Variants in FHIT observed in about 807,000 individuals in gnomAD.
FHIT encodes the protein bis(5'-adenosyl)-triphosphatase.
In FHIT, 19 loss-of-function variants were observed where a neutral mutation model predicts 17.9. That is an observed-to-expected ratio of 1.06 (90% CI 0.74 to 1.56). The LOEUF (loss-of-function observed/expected upper bound fraction) is 1.56. Among genes scored for constraint, FHIT ranks in the 40% most tolerant of loss-of-function variants. FHIT has a pLI of 0.00. For missense variants in FHIT, 248 were observed against 189.2 expected, an observed-to-expected ratio of 1.31 and a Z score of -1.82; for synonymous variants, 81 against 69.7, an observed-to-expected ratio of 1.16 and a Z score of -0.81.
At chr3:61,040,347 A>G (rs1317150332) in intron 3 of FHIT, among the ~76,000 whole-genome samples, 1 of 152,244 alleles carries the variant, frequency 6.6e-6, no homozygotes, top group Non-Finnish European at 1.5e-5. Flanking sequence ...GAGGATCAGC[A>G]TGATCAGTGC....
chr3:60,106,043 T>C (rs1704394253), intron 5 of FHIT, among the ~76,000 whole-genome samples: 1 of 152,292 alleles, frequency 6.6e-6, no homozygotes, highest in African/African-American at 2.4e-5. Flanking sequence ...GAAATCTCAT[T>C]GTCTCTCACT....
chr3:60,921,933 T>G (rs1272296053), intron 3 of FHIT, among the ~76,000 whole-genome samples: 3 of 152,188 alleles, frequency 2.0e-5, no homozygotes, highest in African/African-American at 7.2e-5. Flanking sequence ...GGCCAGGCTC[T>G]GCCCACAGTA....
chr3:60,935,008 G>GT (rs781985837), intron 3 of FHIT, among the ~76,000 whole-genome samples: 8 of 152,196 alleles, frequency 5.3e-5, no homozygotes, highest in Non-Finnish European at 1.2e-4. Context: ...CACCTCTTCT[G>GT]TGAAGCCTTC....
chr3:60,607,763 TACATATACATATATACAC>T (rs1210095280), intron 4 of FHIT, among the ~76,000 whole-genome samples: 3 of 152,248 alleles, frequency 2.0e-5, no homozygotes, highest in South Asian at 2.1e-4. Context: ...CTGCAATACA[TACATATACATATATACAC>T]ACATATACAT....
chr3:59,786,355 C>T (rs148349555), intron 8 of FHIT, among the ~76,000 whole-genome samples: 139 of 152,222 alleles, frequency 9.1e-4, no homozygotes, highest in African/African-American at 3.1e-3. Flanking sequence ...CTTGCTTGTC[C>T]CTCCTCTTTC....
intron 8 of FHIT, among the ~76,000 whole-genome samples, chr3:59,765,103 G>A (rs969385246): frequency 5.3e-5 from 8 of 152,102 alleles, no homozygotes; most frequent in Non-Finnish European, 1.0e-4. Context: ...GATACACAAA[G>A]CTGAAATATT....
intron 5 of FHIT, among the ~76,000 whole-genome samples, chr3:60,270,683 C>A (rs1559776882): frequency 6.6e-6 from 1 of 152,150 alleles, no homozygotes; most frequent in Non-Finnish European, 1.5e-5. Flanking sequence ...TAAAAATGGG[C>A]CAAGATTCTA....
chr3:61,144,535 T>A (rs1270323855), intron 2 of FHIT, among the ~76,000 whole-genome samples: 1 of 152,248 alleles, frequency 6.6e-6, no homozygotes, highest in Non-Finnish European at 1.5e-5. Flanking sequence ...GATATGTTTT[T>A]AATTCTCTTG....
chr3:60,651,153 T>C (rs2039982494), intron 4 of FHIT, among the ~76,000 whole-genome samples: 1 of 152,160 alleles, frequency 6.6e-6, no homozygotes, highest in African/African-American at 2.4e-5. Flanking sequence ...TATTATACAT[T>C]ATTCTATGAT....
intron 2 of FHIT, among the ~76,000 whole-genome samples, chr3:61,081,588 T>TA (rs751568776): frequency 1.1e-4 from 17 of 152,200 alleles, no homozygotes; most frequent in South Asian, 2.1e-4. Context: ...CAGATATTCC[T>TA]CCCTCTGAGA....
intron 3 of FHIT, among the ~76,000 whole-genome samples, chr3:60,926,102 T>G (rs1183966710): frequency 2.0e-5 from 3 of 152,174 alleles, no homozygotes; most frequent in East Asian, 3.9e-4. Context: ...CACACAATAA[T>G]AATGGGAGAC....
chr3:60,107,109 T>C (rs866213510), intron 5 of FHIT, among the ~76,000 whole-genome samples: 7 of 151,528 alleles, frequency 4.6e-5, no homozygotes, highest in Non-Finnish European at 1.0e-4. Flanking sequence ...AGGAAAAGGC[T>C]CATTTGATTA....
intron 5 of FHIT, among the ~76,000 whole-genome samples, chr3:60,054,675 G>C (rs969314676): frequency 6.6e-6 from 1 of 152,150 alleles, no homozygotes; most frequent in African/African-American, 2.4e-5. Context: ...GCATTTATTA[G>C]ATAGAGAACT....
intron 4 of FHIT, among the ~76,000 whole-genome samples, chr3:60,651,885 C>G (rs1283563787): frequency 5.9e-5 from 9 of 152,148 alleles, no homozygotes; most frequent in African/African-American, 1.7e-4. Flanking sequence ...ACTGAGCAAA[C>G]CTATTTACTG....
At chr3:61,061,223 C>A (rs1010544393) in intron 2 of FHIT, among the ~76,000 whole-genome samples, 1 of 152,158 alleles carries the variant, frequency 6.6e-6, no homozygotes, top group African/African-American at 2.4e-5. Context: ...CATTTTCCCC[C>A]CTCCTTTGAG....
chr3:61,147,875 T>C (rs1020904417), intron 2 of FHIT, among the ~76,000 whole-genome samples: 7 of 152,122 alleles, frequency 4.6e-5, no homozygotes, highest in Admixed American at 1.3e-4. Context: ...CTAGCTACAA[T>C]TGACATTATC....
At chr3:60,138,998 A>G (rs1380666331) in intron 5 of FHIT, among the ~76,000 whole-genome samples, 1 of 152,190 alleles carries the variant, frequency 6.6e-6, no homozygotes, top group Non-Finnish European at 1.5e-5. Context: ...CAGGTACTGA[A>G]AGATGAGTGC....
chr3:60,048,064 G>A (rs560501985), intron 5 of FHIT, among the ~76,000 whole-genome samples: 70 of 152,266 alleles, frequency 4.6e-4, no homozygotes, highest in African/African-American at 1.6e-3. Flanking sequence ...GGTCTTCACC[G>A]TGTGTGCACC....
At chr3:60,069,148 T>G (rs57249968) in intron 5 of FHIT, among the ~76,000 whole-genome samples, 6,564 of 152,250 alleles carry the variant, frequency 0.043, 265 homozygotes, top group African/African-American at 0.11. Context: ...GGATATTAAG[T>G]CATGAAACAG....
Sources: allele counts gnomAD v4.1 joint callset (sites outside exome capture counted in the v4.1 genomes callset), GRCh38; gene constraint gnomAD v4.1.1; transcripts MANE v1.5; gene names NCBI Gene and HGNC (gene_info 2026-07-23, HGNC 2026-07-21).